Variants in ANKIB1 observed in about 807,000 individuals in gnomAD.
ANKIB1 encodes the protein ankyrin repeat and IBR domain-containing protein 1.
ANKIB1 carries 43 observed loss-of-function variants against 122.1 expected under a neutral mutation model. The ratio of observed to expected loss-of-function variants is 0.35; its 90% CI spans 0.28 to 0.45. The LOEUF is 0.45. Among genes scored for constraint, ANKIB1 ranks in the 20% least tolerant of loss-of-function variants. The probability of loss-of-function intolerance (pLI) is 1.00; values close to 1 mark genes in which losing one functional copy is unlikely to be tolerated. For synonymous variants in ANKIB1, 390 were observed against 442.0 expected (o/e 0.88, Z 1.48); for missense variants, 992 against 1,329.5 (o/e 0.75, Z 3.95).
chr7:92,377,333 ATATT>A (rs1804404780), intron 11 of ANKIB1, among the ~76,000 whole-genome samples: 2 of 152,190 alleles, frequency 1.3e-5, no homozygotes, highest in South Asian at 4.1e-4. Flanking sequence ...CAACATATAT[ATATT>A]AAGTTTGCCA....
At chr7:92,347,833 C>T (rs1803573098) in intron 7 of ANKIB1, 2 of 246,880 alleles carry the variant, frequency 8.1e-6, no homozygotes, top group South Asian at 4.0e-5. Flanking sequence ...ATAGTATGTG[C>T]TTCCTAGGAT....
chr7:92,282,746 A>G (rs1371115783), intron 1 of ANKIB1, among the ~76,000 whole-genome samples: 12 of 152,216 alleles, frequency 7.9e-5, no homozygotes, highest in African/African-American at 1.4e-4. Flanking sequence ...ATAACACAAC[A>G]TTTTGAGTAG....
intron 11 of ANKIB1, among the ~76,000 whole-genome samples, chr7:92,373,886 T>G (rs1804325630): frequency 6.6e-6 from 1 of 152,250 alleles, no homozygotes; most frequent in Admixed American, 6.5e-5. Context: ...TTTAGATAAT[T>G]TAAATTGTGC....
intron 6 of ANKIB1, among the ~76,000 whole-genome samples, chr7:92,343,443 A>C (rs1462636129): frequency 6.6e-6 from 1 of 152,204 alleles, no homozygotes; most frequent in Non-Finnish European, 1.5e-5. Context: ...TGAAAAAAAA[A>C]GGTTTTCTTT....
At chr7:92,275,902 G>A (rs1236940906) in intron 1 of ANKIB1, among the ~76,000 whole-genome samples, 3 of 152,084 alleles carry the variant, frequency 2.0e-5, no homozygotes, top group African/African-American at 4.8e-5. Flanking sequence ...TGTTATAGGA[G>A]TTATCCTAGG....
chr7:92,344,942 A>G (rs748341686), intron 6 of ANKIB1, 36 bp from the exon 7 acceptor site: 15 of 1,511,512 alleles, frequency 9.9e-6, no homozygotes, highest in African/African-American at 1.4e-5. Context: ...TCAGAAGTAC[A>G]TTTCTGTTTA....
At chr7:92,375,350 A>G (rs1483216304) in intron 11 of ANKIB1, among the ~76,000 whole-genome samples, 2 of 152,226 alleles carry the variant, frequency 1.3e-5, no homozygotes, top group Non-Finnish European at 2.9e-5. Flanking sequence ...GACCTCTGAT[A>G]GAACTTTTAA....
intron 1 of ANKIB1, among the ~76,000 whole-genome samples, chr7:92,275,742 AAGG>A (rs1424830183): frequency 3.1e-4 from 47 of 152,160 alleles, no homozygotes; most frequent in Admixed American, 3.1e-3. Context: ...ACTTAGCCTA[AAGG>A]AATAGACCTA....
chr7:92,250,729 A>G (rs945657379), intron 1 of ANKIB1, among the ~76,000 whole-genome samples: 1 of 152,212 alleles, frequency 6.6e-6, no homozygotes, highest in African/African-American at 2.4e-5. Context: ...TTTGAAAATT[A>G]TCATGCTCAT....
chr7:92,247,737 G>A (rs150795517), intron 1 of ANKIB1, among the ~76,000 whole-genome samples: 20 of 152,312 alleles, frequency 1.3e-4, no homozygotes, highest in African/African-American at 4.3e-4. Context: ...ACCATAGGAA[G>A]CAAACGATAA....
chr7:92,311,125 A>C (rs901027758), intron 3 of ANKIB1, among the ~76,000 whole-genome samples: 2 of 152,216 alleles, frequency 1.3e-5, no homozygotes, highest in Non-Finnish European at 2.9e-5. Context: ...TATAATAACT[A>C]ACATTTGTAT....
chr7:92,265,788 A>G (rs1304468513), intron 1 of ANKIB1, among the ~76,000 whole-genome samples: 2 of 152,212 alleles, frequency 1.3e-5, no homozygotes, highest in African/African-American at 4.8e-5. Flanking sequence ...GTCATTTATG[A>G]GATGCATAAG....
chr7:92,340,887 C>A (rs1803423658), intron 5 of ANKIB1, among the ~76,000 whole-genome samples: 1 of 152,140 alleles, frequency 6.6e-6, no homozygotes, highest in Non-Finnish European at 1.5e-5. Flanking sequence ...TGAATACATC[C>A]ATTGTGAAGA....
chr7:92,319,084 G>T (rs574171477), intron 3 of ANKIB1, among the ~76,000 whole-genome samples: 137 of 151,882 alleles, frequency 9.0e-4, no homozygotes, highest in African/African-American at 3.1e-3. Context: ...AATTGGTTTT[G>T]GGTTTTTTTA....
Position 92,246,399 on chromosome 7 carries a change from G to A in ANKIB1, c.-211G>A, listed in dbSNP as rs762067393. ...CCGGCGAGGAAGGGGCAACCGTCCG[G>A]GTGGGTGGGGCGGGCTGGGTACCTG... On this transcript the variant is annotated 5_prime_UTR_variant, in exon 1 of 20. Transcript: ENST00000265742. 3 of 502,634 alleles carry A rather than the reference G, an allele frequency of 6.0e-6. No homozygotes were observed. The highest frequency in any genetic ancestry group is 4.1e-5 in the Admixed American group (2 of 49,220). The allele number at this position is 502,634 out of a possible 1,614,324, so 31.1% of individuals were successfully genotyped here.
intron 3 of ANKIB1, among the ~76,000 whole-genome samples, chr7:92,312,905 G>T (rs1049062592): frequency 2.6e-5 from 4 of 152,004 alleles, no homozygotes; most frequent in Admixed American, 2.6e-4. Flanking sequence ...TTCTACTTGG[G>T]AACAGGAATG....
intron 1 of ANKIB1, among the ~76,000 whole-genome samples, chr7:92,258,429 C>A (rs574051076): frequency 1.3e-5 from 2 of 152,158 alleles, no homozygotes; most frequent in African/African-American, 4.8e-5. Flanking sequence ...CCTCACCCCC[C>A]CAAATTTCTA....
At chr7:92,294,726 A>G (rs145951541) in intron 1 of ANKIB1, among the ~76,000 whole-genome samples, 163 bp from the exon 2 acceptor site, 2 of 152,322 alleles carry the variant, frequency 1.3e-5, no homozygotes, top group East Asian at 3.9e-4. Flanking sequence ...CAGTGTTAAA[A>G]ATTTGAGATT....
chr7:92,397,722 G>A lies in ANKIB1; in HGVS notation c.2396-1G>A, dbSNP rs778572950. On this transcript the variant is annotated splice_acceptor_variant, in intron 18 of 19. Transcript: ENST00000265742. LOFTEE classifies it high-confidence loss of function. ...CTTTGGTACCAATTGCTTTGAAACAGATATTCCAGAAGGCGGCAGCAGCAG... is the reference window on the plus strand; with the variant it reads ...CTTTGGTACCAATTGCTTTGAAACAAATATTCCAGAAGGCGGCAGCAGCAG... The A allele has an allele frequency of 6.2e-7, 1 of 1,610,464 alleles. No individual in the cohort carries two copies. Among genetic ancestry groups the A allele is most frequent in the East Asian group, 2.2e-5 (1 of 44,638 alleles).
Sources: gnomAD v4.1 joint callset for allele counts (sites outside exome capture counted in the v4.1 genomes callset) on GRCh38, gnomAD v4.1.1 for gene constraint, MANE v1.5 for transcripts, NCBI Gene and HGNC (gene_info 2026-07-23, HGNC 2026-07-21) for gene names.